Variants in MTMR1 observed in about 807,000 individuals in gnomAD.
The protein encoded by MTMR1 is myotubularin related protein 1.
A neutral mutation model predicts 51.6 loss-of-function variants in MTMR1; 17 were observed. The observed-to-expected ratio is 0.33, with a 90% CI of 0.23 to 0.49. MTMR1 has a LOEUF of 0.49. Ranked by LOEUF, MTMR1 falls within the 20% of genes least tolerant of loss-of-function variation. MTMR1 has a pLI of 0.99. For missense variants in MTMR1, 386 were observed against 526.9 expected (o/e 0.73, Z 2.62); for synonymous variants, 201 against 205.6 (o/e 0.98, Z 0.19).
intron 2 of MTMR1, among the ~76,000 whole-genome samples, chrX:150,711,197 C>T (rs2041294250): frequency 8.9e-6 from 1 of 112,470 alleles, no homozygotes; most frequent in Non-Finnish European, 1.9e-5. Flanking sequence ...AAAAAAGACA[C>T]ATTTAAGCTT....
chrX:150,748,008 C>T (rs2042624048), intron 13 of MTMR1, among the ~76,000 whole-genome samples: 1 of 111,992 alleles, frequency 8.9e-6, no homozygotes, highest in Non-Finnish European at 1.9e-5. Context: ...AAGGCCCCAG[C>T]AGATTCAGTG....
intron 7 of MTMR1, 57 bp from the exon 8 acceptor site, chrX:150,730,468 G>T: frequency 1.3e-6 from 1 of 782,916 alleles, no homozygotes; most frequent in South Asian, 3.0e-5. Flanking sequence ...CTTTAATATT[G>T]GGTATATGAT....
upstream of MTMR1, chrX:150,693,356 C>T (rs1250796307): frequency 1.6e-6 from 1 of 625,076 alleles, no homozygotes; most frequent in African/African-American, 2.5e-5. Context: ...CCCCCGACCC[C>T]CGCGCGCGCG....
chrX:150,696,897 G>A (rs1163099961), intron 1 of MTMR1, among the ~76,000 whole-genome samples: 1 of 111,598 alleles, frequency 9.0e-6, no homozygotes, highest in African/African-American at 3.3e-5. Flanking sequence ...GGGAGCAGGT[G>A]GAGGAAGGGG....
At position 150,727,257 on chromosome X, in the gene MTMR1, G is replaced by C; in HGVS notation, c.395G>C (p.Ser132Thr). Residue 132 changes from serine to threonine, a missense_variant, in exon 5 of 16, where the codon AGT becomes ACT. Ser to Thr is a moderately conservative substitution (Grantham distance 58). Transcript: ENST00000445323. ...ATCTGCCCATTTATGGGAGCAGTGA[G>C]TGGAACCCTGACAGTGACGGACTTT... ...MYICPFMGAV[S>T]GTLTVTDFKL... is the part of the protein sequence containing the mutation. 8.3e-7 allele frequency: 1 copy of C among 1,210,687 alleles called. No individual in the cohort carries two copies. Among genetic ancestry groups the C allele is most frequent in the Non-Finnish European group, 1.1e-6 (1 of 894,666 alleles).
chrX:150,705,252 G>A (rs2041056149), intron 2 of MTMR1, among the ~76,000 whole-genome samples: 1 of 111,526 alleles, frequency 9.0e-6, no homozygotes, highest in East Asian at 2.8e-4. Context: ...ATCTAACACT[G>A]ATGTCGTCAA....
intron 4 of MTMR1, among the ~76,000 whole-genome samples, chrX:150,726,672 G>A (rs1163656750): frequency 8.9e-6 from 1 of 111,977 alleles, no homozygotes; most frequent in Non-Finnish European, 1.9e-5. Flanking sequence ...ACACTAATGG[G>A]AATTAAATAT....
chrX:150,740,511 G>C (rs946822533), intron 12 of MTMR1, among the ~76,000 whole-genome samples: 2 of 111,088 alleles, frequency 1.8e-5, no homozygotes, highest in African/African-American at 6.6e-5. Context: ...TGGTTAACCT[G>C]TTAGTGATCT....
chrX:150,724,470 C>G (rs1157178484), intron 4 of MTMR1, among the ~76,000 whole-genome samples: 2 of 111,111 alleles, frequency 1.8e-5, no homozygotes, highest in Non-Finnish European at 3.8e-5. Flanking sequence ...TGTTAAATTC[C>G]TTATAGATGC....
chrX:150,732,721 T>C lies in MTMR1; in HGVS notation c.1071T>C (p.Asp357=). Residue 357 remains aspartate (D), a synonymous_variant, in exon 10 of 16, where the codon GAT becomes GAC. Coordinates refer to ENST00000445323, the MANE Select transcript of MTMR1 (RefSeq NM_001306144.3). The part of the protein sequence containing the change: ...IFDARQNSVA[D]TNKTKGGGYE... ...ATGCTCGACAAAACAGTGTCGCTGA[T>C]ACCAACAAGGTATATTCTTAATAGC... 1 of 1,202,341 alleles carries C rather than the reference T, an allele frequency of 8.3e-7. No homozygotes were observed. The highest frequency in any genetic ancestry group is 1.1e-6 in the Non-Finnish European group (1 of 889,583).
At chrX:150,732,483 G>C in intron 9 of MTMR1, 59 bp from the exon 10 acceptor site, 1 of 1,035,561 alleles carries the variant, frequency 9.7e-7, no homozygotes, top group Non-Finnish European at 1.3e-6. Flanking sequence ...TTCCTACCAG[G>C]TAATTAGAGC....
chrX:150,751,076 G>A (rs2042717367), intron 14 of MTMR1: 2 of 1,129,016 alleles, frequency 1.8e-6, no homozygotes, highest in Non-Finnish European at 2.4e-6. Context: ...CTCAGGAGTA[G>A]ATGAGTGCTA....
chrX:150,730,345 T>A, intron 7 of MTMR1, 135 bp downstream of exon 7: 1 of 543,738 alleles, frequency 1.8e-6, no homozygotes, highest in Non-Finnish European at 2.8e-6. Context: ...ATTAGAATAT[T>A]TGAAATTTGT....
chrX:150,757,653 A>T lies in MTMR1; in HGVS notation c.1857+1788A>T, dbSNP rs1215369426. 3.6e-5 allele frequency among the ~76,000 whole-genome samples: 4 copies of T among 111,691 alleles called. No individual in the cohort carries two copies. The East Asian group carries it at 1.1e-3, about 32-fold the overall frequency. ...CTGCTTGAAGCAGATCCCCCGTGTG[A>T]ATGAGCCGCCCTTTGTGTCTTCACA... On this transcript the variant is annotated intron_variant, in intron 15 of 15. Transcript: ENST00000445323.
intron 3 of MTMR1, chrX:150,714,393 A>G: frequency 1.6e-6 from 1 of 612,532 alleles, no homozygotes; most frequent in Non-Finnish European, 2.3e-6. Context: ...CTTAAAAAAG[A>G]AATTCTGTCC....
intron 5 of MTMR1, 96 bp downstream of exon 5, chrX:150,727,405 G>T: frequency 1.4e-6 from 1 of 696,565 alleles, no homozygotes. Context: ...CCATTACCCT[G>T]AGATAACCAC....
At chrX:150,761,686 C>G (rs1029692414) in intron 15 of MTMR1, among the ~76,000 whole-genome samples, 1 of 112,406 alleles carries the variant, frequency 8.9e-6, no homozygotes, top group East Asian at 2.8e-4. Flanking sequence ...AGACCCCACC[C>G]TGTTTCTCCC....
chrX:150,744,347 C>T lies in MTMR1; in HGVS notation c.1474-14C>T. On this transcript the variant is annotated splice_polypyrimidine_tract_variant and intron_variant, in intron 12 of 15. Coordinates refer to ENST00000445323, the MANE Select transcript of MTMR1 (RefSeq NM_001306144.3). ...AACATACGTTAAAACGTTTAACCTT[C>T]TGTTTCTGTTCAGCGAGTGGGCCAT... 8.4e-7 allele frequency: 1 copy of T among 1,192,867 alleles called. No homozygotes were observed. The highest frequency in any genetic ancestry group is 1.1e-6 in the Non-Finnish European group (1 of 879,510).
intron 3 of MTMR1, chrX:150,714,341 A>G: frequency 3.6e-6 from 1 of 280,356 alleles, no homozygotes; most frequent in Non-Finnish European, 6.4e-6. Context: ...GTGATTTGCA[A>G]AGTCATGAAA....
Sources: allele counts gnomAD v4.1 joint callset (sites outside exome capture counted in the v4.1 genomes callset), GRCh38; gene constraint gnomAD v4.1.1; transcripts MANE v1.5; gene names NCBI Gene and HGNC (gene_info 2026-07-23, HGNC 2026-07-21).